The following KCNH7 variants were observed in gnomAD, a reference collection of about 807,000 sequenced individuals.
KCNH7 encodes the protein voltage-gated inwardly rectifying potassium channel KCNH7.
In KCNH7, 49 loss-of-function variants were observed where a neutral mutation model predicts 120.8. The ratio of observed to expected loss-of-function variants is 0.41; its 90% CI spans 0.32 to 0.51. KCNH7 has a LOEUF of 0.51. Among genes scored for constraint, KCNH7 ranks in the 20% least tolerant of loss-of-function variants. KCNH7 has a pLI of 0.38. For missense variants in KCNH7, 1,097 were observed against 1,446.6 expected (o/e 0.76, Z 3.92); for synonymous variants, 547 against 516.1 (o/e 1.06, Z -0.81).
rs185169831 is a variant in KCNH7 at position 162,642,104 on chromosome 2, G to A, written c.308-105024C>T. ...ATTCCAATAGATAAGTATAGAGTAC[G>A]AGAGTTTTTGCTGTGGTTAAATTCA... is the stretch of plus-strand genomic sequence containing the variant. On this transcript the variant is annotated intron_variant, in intron 2 of 15. Coordinates refer to ENST00000332142, the MANE Select transcript of KCNH7 (RefSeq NM_033272.4). 3.1e-3 allele frequency among the ~76,000 whole-genome samples: 465 copies of A among 152,174 alleles called. 1 individual carries two copies. Among genetic ancestry groups the A allele is most frequent in the African/African-American group, 0.011 (441 of 41,532 alleles).
chr2:162,782,108 C>T (rs767960832), intron 2 of KCNH7, among the ~76,000 whole-genome samples: 1 of 152,170 alleles, frequency 6.6e-6, no homozygotes, highest in Admixed American at 6.5e-5. Context: ...TTATTAAATA[C>T]ATTCAACACA....
intron 6 of KCNH7, among the ~76,000 whole-genome samples, chr2:162,485,704 G>T (rs531743627): frequency 4.0e-4 from 61 of 152,226 alleles, no homozygotes; most frequent in African/African-American, 1.5e-3. Context: ...AGTAATTCAG[G>T]TGCCTGCAGG....
chr2:162,436,420 TATG>T (rs1201230405), intron 7 of KCNH7, among the ~76,000 whole-genome samples: 2 of 152,192 alleles, frequency 1.3e-5, no homozygotes, highest in Non-Finnish European at 2.9e-5. Context: ...TGCTTTTGGC[TATG>T]ATATGTGTAA....
chr2:162,394,724 TTA>T (rs1409254567), intron 11 of KCNH7, among the ~76,000 whole-genome samples: 1 of 151,880 alleles, frequency 6.6e-6, no homozygotes, highest in African/African-American at 2.4e-5. Context: ...TAGGAGTTAT[TTA>T]TGTGAAATGT....
intron 2 of KCNH7, among the ~76,000 whole-genome samples, chr2:162,685,458 G>A (rs527683528): frequency 4.0e-5 from 6 of 151,764 alleles, no homozygotes; most frequent in East Asian, 1.9e-4. Context: ...ATAAAATCCC[G>A]ACTGAATATA....
chr2:162,498,237 A>G (rs1216913239), intron 6 of KCNH7, among the ~76,000 whole-genome samples: 1 of 152,098 alleles, frequency 6.6e-6, no homozygotes, highest in East Asian at 1.9e-4. Flanking sequence ...AACTTATAGA[A>G]CTATTTGGTC....
At chr2:162,779,944 C>T (rs984340239) in intron 2 of KCNH7, among the ~76,000 whole-genome samples, 1 of 152,154 alleles carries the variant, frequency 6.6e-6, no homozygotes, top group Non-Finnish European at 1.5e-5. Context: ...TGTTTTCTCC[C>T]TTAGTCTGCT....
At chr2:162,489,908 T>A (rs1272934010) in intron 6 of KCNH7, among the ~76,000 whole-genome samples, 2 of 152,254 alleles carry the variant, frequency 1.3e-5, no homozygotes, top group Admixed American at 1.3e-4. Context: ...TTTGTACTCC[T>A]GCATTACATC....
chr2:162,387,315 G>C (rs1290532123), intron 12 of KCNH7, among the ~76,000 whole-genome samples: 1 of 150,762 alleles, frequency 6.6e-6, no homozygotes, highest in Non-Finnish European at 1.5e-5. Flanking sequence ...AATGGAAACT[G>C]TTCAGGCTTT....
At chr2:162,441,996 CTTCTTTTTTTTTTTTT>C (rs1688430380) in intron 7 of KCNH7, among the ~76,000 whole-genome samples, 1 of 14,542 alleles carries the variant, frequency 6.9e-5, no homozygotes, top group African/African-American at 2.0e-4. Flanking sequence ...ATAGTTAGGT[CTTCTTTTTTTTTTTTT>C]TTTTTTTTTT....
intron 2 of KCNH7, among the ~76,000 whole-genome samples, chr2:162,588,329 C>A (rs574817350): frequency 3.3e-5 from 5 of 152,134 alleles, no homozygotes; most frequent in African/African-American, 1.2e-4. Context: ...CTGTTTGATA[C>A]AGATTCTAGT....
At chr2:162,420,279 G>A (rs760113501) in intron 9 of KCNH7, among the ~76,000 whole-genome samples, 4 of 152,164 alleles carry the variant, frequency 2.6e-5, no homozygotes, top group Non-Finnish European at 5.9e-5. Flanking sequence ...AGGAGGCTGA[G>A]GCAGGAGAAT....
intron 2 of KCNH7, among the ~76,000 whole-genome samples, chr2:162,577,932 G>A (rs376817531): frequency 6.6e-5 from 10 of 152,094 alleles, no homozygotes; most frequent in African/African-American, 1.2e-4. Flanking sequence ...TGCTATTTCC[G>A]TTTTATAGTT....
chr2:162,494,576 A>G (rs528083137), intron 6 of KCNH7, among the ~76,000 whole-genome samples: 7 of 152,282 alleles, frequency 4.6e-5, no homozygotes, highest in Admixed American at 2.0e-4. Flanking sequence ...ACATGCTATC[A>G]ATCATAATAA....
At chr2:162,487,142 G>T in intron 6 of KCNH7, among the ~76,000 whole-genome samples, 1 of 152,118 alleles carries the variant, frequency 6.6e-6, no homozygotes, top group Non-Finnish European at 1.5e-5. Context: ...TCTCCAGTAT[G>T]ATCGTGTTAA....
chr2:162,687,576 C>T (rs12623571), intron 2 of KCNH7, among the ~76,000 whole-genome samples: 24,144 of 151,876 alleles, frequency 0.16, 2,260 homozygotes, highest in East Asian at 0.46. Context: ...AGCGATGTCA[C>T]CTTGGTAGCT....
intron 3 of KCNH7, among the ~76,000 whole-genome samples, chr2:162,531,870 T>C (rs1240971905): frequency 6.6e-6 from 1 of 151,964 alleles, no homozygotes; most frequent in Non-Finnish European, 1.5e-5. Flanking sequence ...TATGTTTGAT[T>C]TGGTATTATA....
At chr2:162,820,308 C>T (rs1320136263) in intron 2 of KCNH7, among the ~76,000 whole-genome samples, 1 of 150,696 alleles carries the variant, frequency 6.6e-6, no homozygotes, top group East Asian at 2.0e-4. Context: ...ATCTCCTGAC[C>T]TCGTGATCCG....
chr2:162,407,346 T>C (rs1299883273), intron 9 of KCNH7, among the ~76,000 whole-genome samples: 1 of 151,984 alleles, frequency 6.6e-6, no homozygotes, highest in African/African-American at 2.4e-5. Flanking sequence ...AACAGAATTA[T>C]CCTTCCTACT....
Sources: gnomAD v4.1 joint callset for allele counts (sites outside exome capture counted in the v4.1 genomes callset) on GRCh38, gnomAD v4.1.1 for gene constraint, MANE v1.5 for transcripts, NCBI Gene and HGNC (gene_info 2026-07-23, HGNC 2026-07-21) for gene names.